The following UBE2B variants were observed in gnomAD, a reference collection of about 807,000 sequenced individuals.
UBE2B encodes the protein ubiquitin conjugating enzyme E2 B, also known as ubiquitin-conjugating enzyme E2 B.
UBE2B carries 11 observed loss-of-function variants against 24.6 expected under a neutral mutation model. That is an observed-to-expected ratio of 0.45 (90% CI 0.28 to 0.74). UBE2B has a LOEUF of 0.74. Among genes scored for constraint, UBE2B ranks in the 30% least tolerant of loss-of-function variants. UBE2B has a pLI of 0.13. For missense variants in UBE2B, 78 were observed against 185.6 expected (o/e 0.42, Z 3.37); for synonymous variants, 68 against 62.4 (o/e 1.09, Z -0.42).
chr5:134,383,642 G>A (rs1246260519), intron 4 of UBE2B, among the ~76,000 whole-genome samples: 2 of 151,800 alleles, frequency 1.3e-5, no homozygotes, highest in East Asian at 3.9e-4. Flanking sequence ...TATATTTTTA[G>A]TAGAGACGGG....
rs571940080 is a variant in UBE2B at position 134,384,591 on chromosome 5, A to C, written c.242-3734A>C. 2.6e-5 allele frequency among the ~76,000 whole-genome samples: 4 copies of C among 152,268 alleles called. No individual in the cohort carries two copies. In the South Asian group the frequency reaches 8.3e-4, roughly 32 times the overall value. On this transcript the variant is annotated intron_variant, in intron 4 of 5. Coordinates refer to ENST00000265339, the MANE Select transcript of UBE2B (RefSeq NM_003337.4). ...CTTAAGCAAATTTTTAAGAAACCAC[A>C]GTGTATTTGGTTTTCACATCTCTTC...
rs1450911960 is a variant in UBE2B at position 134,376,336 on chromosome 5, A to T, written c.126-333A>T. On this transcript the variant is annotated intron_variant, in intron 2 of 5. Coordinates refer to ENST00000265339, the MANE Select transcript of UBE2B (RefSeq NM_003337.4). Reference sequence around the variant, plus strand: ...AAACTCCGTCTCAAAAAAAAAAAAAAAAAAAAAAAAAAATATATATATATA... The same window carrying T: ...AAACTCCGTCTCAAAAAAAAAAAAATAAAAAAAAAAAAATATATATATATA... Among the ~76,000 whole-genome samples, 34 of 4,108 alleles carry T rather than the reference A, an allele frequency of 8.3e-3. 1 individual carries two copies. Among genetic ancestry groups the T allele is most frequent in the South Asian group, 0.042 (7 of 166 alleles). 2.7% of individuals were successfully genotyped at this position (4,108 alleles called of 152,430 possible). A position where few individuals can be genotyped will look rare whatever the true frequency, so the allele number is the denominator to read the frequency against.
In UBE2B at chr5:134,378,534, C is replaced by A. The variant is rs35402099; in HGVS notation, c.151+1840C>A. 7.2e-3 allele frequency among the ~76,000 whole-genome samples: 1,092 copies of A among 152,202 alleles called. 9 individuals carry two copies. Among genetic ancestry groups the A allele is most frequent in the Middle Eastern group, 0.024 (7 of 294 alleles). On this transcript the variant is annotated intron_variant, in intron 3 of 5. Coordinates refer to ENST00000265339, the MANE Select transcript of UBE2B (RefSeq NM_003337.4). ...ACCTTGGCCACCCGAAGTGCTGAGG[C>A]ATGAGCCACACCCAGCCGAGTATCT...
chr5:134,390,553 G>A lies in UBE2B; in HGVS notation c.*200G>A. The A allele has an allele frequency of 7.0e-6, 4 of 569,292 alleles. No homozygotes were observed. The highest frequency in any genetic ancestry group is 6.2e-5 in the South Asian group (3 of 48,310). The allele number at this position is 569,292 out of a possible 1,614,324, so 35.3% of individuals were successfully genotyped here. On this transcript the variant is annotated 3_prime_UTR_variant, in exon 6 of 6. Transcript: ENST00000265339. The surrounding 1 kb of genome is among the most constrained non-coding windows in gnomAD (Gnocchi z 4.6). ...ATTGCATGGTGTGAACTAAGTTATT[G>A]CTGCATAAATTTGTAATATATCCTG... is the stretch of plus-strand genomic sequence containing the variant.
chr5:134,383,473 CTTTTTTTT>C (rs747399191), intron 4 of UBE2B, among the ~76,000 whole-genome samples: 11 of 80,032 alleles, frequency 1.4e-4, no homozygotes, highest in Non-Finnish European at 2.1e-4. Context: ...CCATACCCAG[CTTTTTTTT>C]TTTTTTTTTT....
chr5:134,380,904 C>A, intron 4 of UBE2B, 96 bp downstream of exon 4: 1 of 701,514 alleles, frequency 1.4e-6, no homozygotes, highest in Non-Finnish European at 2.5e-6. Flanking sequence ...TGTTAGGGCT[C>A]ACTTGTAGGT....
intron 3 of UBE2B, among the ~76,000 whole-genome samples, chr5:134,379,506 C>T (rs1367416766): frequency 1.3e-5 from 2 of 151,646 alleles, no homozygotes; most frequent in Admixed American, 6.6e-5. Context: ...ATGAGCCAGG[C>T]GGGATGGCAC....
At chr5:134,378,374 C>T (rs917887364) in intron 3 of UBE2B, among the ~76,000 whole-genome samples, 7 of 152,054 alleles carry the variant, frequency 4.6e-5, no homozygotes, top group African/African-American at 1.7e-4. Flanking sequence ...ATTCTCGTGC[C>T]TCAGCCTTCC....
intron 4 of UBE2B, among the ~76,000 whole-genome samples, chr5:134,384,776 A>AC (rs1354637963): frequency 1.3e-5 from 2 of 152,212 alleles, no homozygotes; most frequent in African/African-American, 4.8e-5. Context: ...CATAATCATA[A>AC]CCATCACCAT....
At chr5:134,383,453 A>G (rs1167337462) in intron 4 of UBE2B, among the ~76,000 whole-genome samples, 2 of 131,526 alleles carry the variant, frequency 1.5e-5, no homozygotes, top group Non-Finnish European at 3.2e-5. Flanking sequence ...GGGACTGCAG[A>G]TGTGTGCCAC....
chr5:134,388,382 A>G lies in UBE2B; in HGVS notation c.299A>G (p.Tyr100Cys). 6.2e-7 allele frequency: 1 copy of G among 1,614,130 alleles called. No individual in the cohort carries two copies. Among genetic ancestry groups the G allele is most frequent in the Non-Finnish European group, 8.5e-7 (1 of 1,179,994 alleles). The part of the protein sequence containing the change: ...DILQNRWSPT[Y>C]DVSSILTSIQ... ...CTTCAGAATCGATGGAGTCCAACAT[A>G]TGATGTATCTTCTATCTTAACATCA... Residue 100 changes from tyrosine to cysteine, a missense_variant, in exon 5 of 6, where the codon TAT (tyrosine) becomes TGT (cysteine). By Grantham distance (194) the Tyr-to-Cys change is radical (BLOSUM62 -2). Around this residue, in one of 2 missense-constraint regions of UBE2B, gnomAD observed 57 missense variants for 167.7 expected, o/e 0.34. Transcript: ENST00000265339.
At position 134,391,146 on chromosome 5, in the gene UBE2B, T is replaced by C. The variant is rs1343351608; in HGVS notation, c.*793T>C. 6.6e-6 allele frequency: 1 copy of C among 152,654 alleles called. No individual in the cohort carries two copies. Among genetic ancestry groups the C allele is most frequent in the Non-Finnish European group, 1.5e-5 (1 of 68,042 alleles). 9.5% of individuals were successfully genotyped at this position (152,654 alleles called of 1,614,324 possible). On this transcript the variant is annotated 3_prime_UTR_variant, in exon 6 of 6. Coordinates refer to ENST00000265339, the MANE Select transcript of UBE2B (RefSeq NM_003337.4). The stretch of plus-strand genomic sequence containing the variant: ...CTTGTTTTGCTGCTTGGTAGCACTT[T>C]AAAAAATTTTTTGATTAATGAAGAA...
chr5:134,377,937 T>G (rs1581321112), intron 3 of UBE2B, among the ~76,000 whole-genome samples: 1 of 152,348 alleles, frequency 6.6e-6, no homozygotes, highest in East Asian at 1.9e-4. Context: ...CTCACACCTG[T>G]ATAGCCAGCA....
rs35546987 is a variant in UBE2B at position 134,379,158 on chromosome 5, A to G, written c.152-1561A>G. On this transcript the variant is annotated intron_variant, in intron 3 of 5. Transcript: ENST00000265339. ...TCACCCAATATTTTGCAGATGTCCC[A>G]TGAATAATAATACAAAACCATGAAT... Among the ~76,000 whole-genome samples, 104 of 152,336 alleles carry G rather than the reference A, an allele frequency of 6.8e-4. 1 individual carries two copies. The East Asian group carries it at 0.019, about 28-fold the overall frequency.
At chr5:134,374,295 A>G (rs1758560226) in intron 1 of UBE2B, 88 bp from the exon 2 acceptor site, 2 of 1,191,096 alleles carry the variant, frequency 1.7e-6, no homozygotes, top group Admixed American at 4.0e-5. Context: ...GTGTCTCAAA[A>G]TAGATGGTAT....
chr5:134,383,270 T>G (rs1758740056), intron 4 of UBE2B, among the ~76,000 whole-genome samples: 1 of 152,200 alleles, frequency 6.6e-6, no homozygotes, highest in African/African-American at 2.4e-5. Flanking sequence ...TTCAGTTGTT[T>G]ACAATTTTAA....
intron 4 of UBE2B, among the ~76,000 whole-genome samples, chr5:134,385,032 A>T: frequency 6.6e-6 from 1 of 152,168 alleles, no homozygotes; most frequent in South Asian, 2.1e-4. Context: ...AGTATCTGTG[A>T]TTCATTTTTT....
chr5:134,385,305 C>CAT (rs1339165684), intron 4 of UBE2B, among the ~76,000 whole-genome samples: 1 of 152,148 alleles, frequency 6.6e-6, no homozygotes. Context: ...ATACTGAGCA[C>CAT]ATGGATGGTA....
At chr5:134,376,987 G>A (rs181745165) in intron 3 of UBE2B, among the ~76,000 whole-genome samples, 1 of 152,292 alleles carries the variant, frequency 6.6e-6, no homozygotes, top group Non-Finnish European at 1.5e-5. Context: ...AGATATCTCT[G>A]AGGTGAACAC....
Sources: gnomAD v4.1 joint callset for allele counts (sites outside exome capture counted in the v4.1 genomes callset) on GRCh38, gnomAD v4.1.1 for gene constraint, gnomAD v4.1.1 regional missense constraint, Gnocchi (gnomAD v3.1) non-coding constraint, MANE v1.5 for transcripts, NCBI Gene and HGNC (gene_info 2026-07-23, HGNC 2026-07-21) for gene names.